DSCAML1: variants seen among roughly 807,000 people sequenced by gnomAD.
The protein encoded by DSCAML1 is DS cell adhesion molecule like 1.
Under a neutral mutation model 200.5 loss-of-function variants are expected in DSCAML1, and 38 were observed. That is an observed-to-expected ratio of 0.19 (90% CI 0.15 to 0.25). The LOEUF is 0.25. DSCAML1 is among the 10% of genes least tolerant of loss of function. DSCAML1 has a pLI of 1.00. For synonymous variants in DSCAML1, 1,215 were observed against 1,165.0 expected (o/e 1.04, Z -0.87); for missense variants, 2,223 against 2,858.8 (o/e 0.78, Z 5.07).
intron 16 of DSCAML1, among the ~76,000 whole-genome samples, chr11:117,466,578 G>T: frequency 6.6e-6 from 1 of 152,152 alleles, no homozygotes; most frequent in Non-Finnish European, 1.5e-5. Flanking sequence ...GCACACACCT[G>T]TAGTTCCACC....
intron 1 of DSCAML1, among the ~76,000 whole-genome samples, chr11:117,804,298 A>T (rs2134086071): frequency 6.6e-6 from 1 of 152,346 alleles, no homozygotes; most frequent in South Asian, 2.1e-4. Flanking sequence ...GCCCCATCTC[A>T]TACCCACTGG....
chr11:117,465,229 G>T, intron 16 of DSCAML1, 47 bp from the exon 17 acceptor site: 1 of 1,600,004 alleles, frequency 6.2e-7, no homozygotes, highest in South Asian at 1.1e-5. Flanking sequence ...GCAACACGCT[G>T]AGATGATGCT....
intron 3 of DSCAML1, among the ~76,000 whole-genome samples, chr11:117,686,720 C>T (rs12285142): frequency 0.17 from 25,730 of 152,068 alleles, 2,677 homozygotes; most frequent in African/African-American, 0.29. Context: ...TGCCTGGGAG[C>T]GGGAGAAAGA....
chr11:117,761,894 G>A (rs10750113), intron 3 of DSCAML1, among the ~76,000 whole-genome samples: 104,529 of 152,088 alleles, frequency 0.69, 38,025 homozygotes, highest in East Asian at 0.84. Flanking sequence ...ACAAAAAAGT[G>A]GGGATGATAA....
chr11:117,672,262 A>G (rs1419779150), intron 3 of DSCAML1, among the ~76,000 whole-genome samples: 2 of 152,134 alleles, frequency 1.3e-5, no homozygotes, highest in Non-Finnish European at 2.9e-5. Flanking sequence ...CCTGCCTCCC[A>G]GCCCAGTGCC....
At chr11:117,494,075 G>A (rs1049496387) in intron 11 of DSCAML1, among the ~76,000 whole-genome samples, 1 of 152,210 alleles carries the variant, frequency 6.6e-6, no homozygotes, top group African/African-American at 2.4e-5. Flanking sequence ...ACAGCCCTAA[G>A]ATGTGGGTAG....
At chr11:117,816,936 C>T (rs1004075897) in intron 1 of DSCAML1, among the ~76,000 whole-genome samples, 2 of 152,206 alleles carry the variant, frequency 1.3e-5, no homozygotes, top group Admixed American at 6.5e-5. Context: ...GCTCTTCTTC[C>T]TCTGATGGGG....
intron 11 of DSCAML1, among the ~76,000 whole-genome samples, chr11:117,488,169 C>T (rs1183021232): frequency 6.6e-6 from 1 of 152,222 alleles, no homozygotes; most frequent in Non-Finnish European, 1.5e-5. Flanking sequence ...CACTGTGCCC[C>T]TCCATCCGGC....
At chr11:117,659,527 A>G (rs1179888804) in intron 3 of DSCAML1, among the ~76,000 whole-genome samples, 1 of 152,182 alleles carries the variant, frequency 6.6e-6, no homozygotes, top group Non-Finnish European at 1.5e-5. Context: ...TTGCCAAGAC[A>G]TTTTTATTGT....
chr11:117,458,829 C>T lies in DSCAML1; in HGVS notation c.3493G>A (p.Val1165Ile), dbSNP rs773692725. The T allele has an allele frequency of 7.4e-5, 119 of 1,613,950 alleles. No homozygotes were observed. The highest frequency in any genetic ancestry group is 9.2e-5 in the Non-Finnish European group (108 of 1,180,028). ...RGMEKFTNYS[V>I]QVLAYTQAGD... ...GCCTGGGTGTAGGCCAGCACCTGGA[C>T]GCTGTAGTTGGTGAACTTCTCCATG... The change falls in exon 19 of 33, where the codon GTC (valine) becomes ATC (isoleucine). Residue 1165 changes from valine to isoleucine, a missense_variant. Val to Ile is a conservative substitution (Grantham distance 29). Coordinates refer to ENST00000651296, the MANE Select transcript of DSCAML1 (RefSeq NM_020693.4).
intron 3 of DSCAML1, among the ~76,000 whole-genome samples, chr11:117,749,855 C>T (rs2054577432): frequency 6.6e-6 from 1 of 152,246 alleles, no homozygotes; most frequent in Non-Finnish European, 1.5e-5. Context: ...TGTGTTAGAA[C>T]AGACAACCTC....
intron 8 of DSCAML1, among the ~76,000 whole-genome samples, chr11:117,512,890 C>G (rs1258168508): frequency 6.6e-6 from 1 of 151,924 alleles, no homozygotes; most frequent in Non-Finnish European, 1.5e-5. Flanking sequence ...AGCGAGTCGC[C>G]GAGACGGAAT....
At chr11:117,815,600 C>T (rs951535135) in intron 1 of DSCAML1, among the ~76,000 whole-genome samples, 21 of 152,070 alleles carry the variant, frequency 1.4e-4, no homozygotes, top group Non-Finnish European at 2.9e-5. Context: ...CAAGTTTAGA[C>T]ATCTAGAGAC....
intron 11 of DSCAML1, among the ~76,000 whole-genome samples, chr11:117,495,014 T>G (rs1461254600): frequency 6.6e-6 from 1 of 152,168 alleles, no homozygotes; most frequent in Non-Finnish European, 1.5e-5. Flanking sequence ...CCATGCAGCT[T>G]ATGGTACTTT....
At chr11:117,736,264 G>A (rs746603831) in intron 3 of DSCAML1, among the ~76,000 whole-genome samples, 3 of 152,198 alleles carry the variant, frequency 2.0e-5, no homozygotes, top group Non-Finnish European at 2.9e-5. Context: ...GCTTACTCAG[G>A]TGTCTGCGTC....
chr11:117,434,302 C>G (rs1464500446), intron 27 of DSCAML1, among the ~76,000 whole-genome samples: 1 of 152,072 alleles, frequency 6.6e-6, no homozygotes, highest in Non-Finnish European at 1.5e-5. Flanking sequence ...AACCATCCAT[C>G]TGTCTATCCA....
At chr11:117,763,072 A>G (rs1164296737) in intron 3 of DSCAML1, among the ~76,000 whole-genome samples, 2 of 152,090 alleles carry the variant, frequency 1.3e-5, no homozygotes, top group Non-Finnish European at 2.9e-5. Context: ...GAGCTCCCAC[A>G]TTCCCCTTGC....
At position 117,431,590 on chromosome 11, in the gene DSCAML1, T is replaced by C. The variant is rs2047795686; in HGVS notation, c.5318A>G (p.His1773Arg). ...GTCACTCTCAGTGACCGTGACACCA[T>C]GCTGGGAGCCCACGGTGCGCCAGTC... is the stretch of plus-strand genomic sequence containing the variant. Reference protein sequence around the residue: ...TSDWRTVGSQHGVTVTESDSY... With the variant: ...TSDWRTVGSQRGVTVTESDSY... Residue 1773 changes from histidine (H) to arginine (R), a missense_variant, in exon 31 of 33, where the codon CAT becomes CGT. Physicochemically the swap from His to Arg is conservative, Grantham distance 29. Transcript: ENST00000651296. The C allele has an allele frequency of 1.2e-6, 2 of 1,611,808 alleles. No homozygotes were observed. Among genetic ancestry groups the C allele is most frequent in the Non-Finnish European group, 1.7e-6 (2 of 1,178,786 alleles).
At chr11:117,664,382 G>A (rs943631368) in intron 3 of DSCAML1, among the ~76,000 whole-genome samples, 4 of 152,176 alleles carry the variant, frequency 2.6e-5, no homozygotes, top group African/African-American at 9.7e-5. Flanking sequence ...GGATAGAGAG[G>A]GTGGGGACTT....
Sources: gnomAD v4.1 joint callset for allele counts (sites outside exome capture counted in the v4.1 genomes callset) on GRCh38, gnomAD v4.1.1 for gene constraint, MANE v1.5 for transcripts, NCBI Gene and HGNC (gene_info 2026-07-23, HGNC 2026-07-21) for gene names.